Variants in ZEB2 observed in about 807,000 individuals in gnomAD.
ZEB2 encodes zinc finger E-box-binding homeobox 2.
ZEB2 carries 6 observed loss-of-function variants against 99.9 expected under a neutral mutation model. That is an observed-to-expected ratio of 0.06 (90% CI 0.03 to 0.12). The LOEUF (loss-of-function observed/expected upper bound fraction) is 0.12. ZEB2 is among the 10% of genes least tolerant of loss of function. ZEB2 has a pLI of 1.00. For synonymous variants in ZEB2, 517 were observed against 542.5 expected (o/e 0.95, Z 0.65); for missense variants, 969 against 1,502.8 (o/e 0.64, Z 5.87).
chr2:144,389,107 G>T lies in ZEB2; in HGVS notation c.*344C>A, dbSNP rs1420090917. On this transcript the variant is annotated 3_prime_UTR_variant, in exon 10 of 10. Transcript: ENST00000627532. The surrounding 1 kb of genome is among the most constrained non-coding windows in gnomAD (Gnocchi z 6.8). ...TTTTAAAATGTATTAATATAAATTA[G>T]ACATAGTTTTTTAAAGTTTGTAGTG... The T allele has an allele frequency of 9.2e-6, 5 of 541,328 alleles. No homozygotes were observed. The Admixed American group carries it at 1.8e-4, about 19-fold the overall frequency. 33.5% of individuals were successfully genotyped at this position (541,328 alleles called of 1,614,324 possible). A position where few individuals can be genotyped will look rare whatever the true frequency, so the allele number is the denominator to read the frequency against.
At chr2:144,472,940 C>T (rs1320143152) in intron 2 of ZEB2, among the ~76,000 whole-genome samples, 1 of 152,008 alleles carries the variant, frequency 6.6e-6, no homozygotes, top group Non-Finnish European at 1.5e-5. Context: ...AGCTGGCAGT[C>T]TCAATGGAGC....
chr2:144,512,846 G>A, intron 2 of ZEB2: 1 of 1,287,212 alleles, frequency 7.8e-7, no homozygotes. Flanking sequence ...GAGAAAAAAG[G>A]ATGGAGATGG....
intron 2 of ZEB2, among the ~76,000 whole-genome samples, chr2:144,478,724 T>C (rs984188376): frequency 6.6e-6 from 1 of 152,252 alleles, no homozygotes; most frequent in Non-Finnish European, 1.5e-5. Flanking sequence ...TATTCTTTCT[T>C]TGAAATCATT....
chr2:144,479,778 G>C (rs922351320), intron 2 of ZEB2, among the ~76,000 whole-genome samples: 4 of 151,612 alleles, frequency 2.6e-5, no homozygotes, highest in Non-Finnish European at 5.9e-5. Flanking sequence ...TGCTCAGCAG[G>C]TCACCTATCT....
intron 2 of ZEB2, among the ~76,000 whole-genome samples, chr2:144,473,498 A>C (rs1292609713): frequency 1.3e-5 from 2 of 152,138 alleles, no homozygotes; most frequent in Non-Finnish European, 2.9e-5. Flanking sequence ...CTTGGGCTCA[A>C]GCCATCCTAC....
At chr2:144,459,935 A>G (rs1704169369) in intron 2 of ZEB2, among the ~76,000 whole-genome samples, 1 of 152,198 alleles carries the variant, frequency 6.6e-6, no homozygotes, top group Non-Finnish European at 1.5e-5. Flanking sequence ...GGCCCTGTGC[A>G]TCATAGGCAT....
At chr2:144,453,093 C>T (rs186379204) in intron 2 of ZEB2, among the ~76,000 whole-genome samples, 65 of 152,220 alleles carry the variant, frequency 4.3e-4, no homozygotes, top group African/African-American at 1.5e-3. Context: ...ATGCTAACGG[C>T]GCAGTCATCA....
At chr2:144,421,608 CTCTT>C (rs1253280465) in intron 4 of ZEB2, among the ~76,000 whole-genome samples, 4 of 150,402 alleles carry the variant, frequency 2.7e-5, no homozygotes, top group Non-Finnish European at 4.4e-5. Context: ...TTACGAAATT[CTCTT>C]TCTTTGCTTC....
At chr2:144,423,786 C>G (rs1314241131) in intron 4 of ZEB2, among the ~76,000 whole-genome samples, 2 of 152,136 alleles carry the variant, frequency 1.3e-5, no homozygotes, top group Non-Finnish European at 2.9e-5. Context: ...ACATTTTAAA[C>G]AGAAACACAA....
At chr2:144,463,044 G>A (rs1011315973) in intron 2 of ZEB2, 10 of 152,190 alleles carry the variant, frequency 6.6e-5, no homozygotes, top group Admixed American at 3.3e-4. Flanking sequence ...TCTGCTTATG[G>A]GTTCTGAATG....
intron 2 of ZEB2, among the ~76,000 whole-genome samples, chr2:144,449,299 G>A (rs1704025845): frequency 6.6e-6 from 1 of 152,168 alleles, no homozygotes; most frequent in African/African-American, 2.4e-5. Context: ...AGCTATTCAG[G>A]AAAATGTGCT....
intron 4 of ZEB2, among the ~76,000 whole-genome samples, chr2:144,421,426 GAGA>G (rs1313729334): frequency 1.3e-5 from 2 of 152,206 alleles, no homozygotes; most frequent in African/African-American, 2.4e-5. Context: ...AGATGTCAGG[GAGA>G]AGAAGTGGTA....
intron 9 of ZEB2, among the ~76,000 whole-genome samples, chr2:144,391,228 A>G (rs1322099826): frequency 2.6e-5 from 4 of 152,262 alleles, no homozygotes; most frequent in African/African-American, 9.6e-5. Flanking sequence ...CCTCCAGGGC[A>G]TGCCACTATT....
At chr2:144,480,814 A>T (rs1446715339) in intron 2 of ZEB2, among the ~76,000 whole-genome samples, 2 of 151,684 alleles carry the variant, frequency 1.3e-5, no homozygotes, top group African/African-American at 4.8e-5. Context: ...AAAATAGGCA[A>T]TGTCACTACT....
intron 2 of ZEB2, among the ~76,000 whole-genome samples, chr2:144,441,550 A>C (rs1703918433): frequency 6.6e-6 from 1 of 152,108 alleles, no homozygotes; most frequent in African/African-American, 2.4e-5. Flanking sequence ...TCTAAAAAAA[A>C]AAAAAAAAAA....
chr2:144,406,245 A>G (rs1002201632), intron 4 of ZEB2, among the ~76,000 whole-genome samples: 4 of 152,216 alleles, frequency 2.6e-5, no homozygotes, highest in African/African-American at 7.2e-5. Flanking sequence ...CATTAATTCA[A>G]CAAGTATTTT....
intron 2 of ZEB2, among the ~76,000 whole-genome samples, chr2:144,500,623 T>C (rs1205219525): frequency 6.6e-6 from 1 of 152,202 alleles, no homozygotes; most frequent in Non-Finnish European, 1.5e-5. Flanking sequence ...AGCATACTAG[T>C]ATCAGTTGGG....
At chr2:144,419,195 A>G (rs942277395) in intron 4 of ZEB2, among the ~76,000 whole-genome samples, 1 of 152,318 alleles carries the variant, frequency 6.6e-6, no homozygotes, top group African/African-American at 2.4e-5. Flanking sequence ...GGAGCCTCCC[A>G]AAACAATTGC....
At chr2:144,493,440 C>A (rs1351862804) in intron 2 of ZEB2, among the ~76,000 whole-genome samples, 1 of 152,130 alleles carries the variant, frequency 6.6e-6, no homozygotes, top group African/African-American at 2.4e-5. Flanking sequence ...AGAAACGCAC[C>A]CAGGGGCACA....
Sources: gnomAD v4.1 joint callset for allele counts (sites outside exome capture counted in the v4.1 genomes callset) on GRCh38, gnomAD v4.1.1 for gene constraint, Gnocchi (gnomAD v3.1) non-coding constraint, MANE v1.5 for transcripts, NCBI Gene and HGNC (gene_info 2026-07-23, HGNC 2026-07-21) for gene names.